STRIP2: variants seen among roughly 807,000 people sequenced by gnomAD.
STRIP2 encodes the protein striatin-interacting protein 2.
Under a neutral mutation model 107.1 loss-of-function variants are expected in STRIP2, and 84 were observed. That is an observed-to-expected ratio of 0.78 (90% CI 0.66 to 0.94). The LOEUF (loss-of-function observed/expected upper bound fraction) is 0.94, where lower values mean the gene tolerates loss of function less well. Ranked by LOEUF, STRIP2 falls within the 40% of genes least tolerant of loss-of-function variation. The pLI, the probability that STRIP2 is intolerant of heterozygous loss-of-function variation, is 0.00. For missense variants in STRIP2, 888 were observed against 1,034.2 expected, an observed-to-expected ratio of 0.86 and a Z score of 1.94; for synonymous variants, 394 against 400.4, an observed-to-expected ratio of 0.98 and a Z score of 0.19.
rs1797670874 is a variant in STRIP2, at chr7:129,434,476, G to C, written c.4G>C (p.Glu2Gln). The C allele has an allele frequency of 5.3e-6, 8 of 1,513,388 alleles. No individual in the cohort carries two copies. Among genetic ancestry groups the C allele is most frequent in the Middle Eastern group, 2.3e-4 (1 of 4,328 alleles). The allele number at this position is 1,513,388 out of a possible 1,614,324, so 93.7% of individuals were successfully genotyped here. ...AGGGGAGCCGCTGACCAGCAGCATG[G>C]AGGACCCCGCCGCGCCTGGGACCGG... M[E>Q]DPAAPGTGGP... The change falls in exon 1 of 21, where the codon GAG becomes CAG. Residue 2 changes from glutamate to glutamine, a missense_variant. Coordinates refer to ENST00000249344, the MANE Select transcript of STRIP2 (RefSeq NM_020704.3).
At chr7:129,456,350 C>G (rs1798352448) in intron 8 of STRIP2, 89 bp from the exon 9 acceptor site, 1 of 1,227,144 alleles carries the variant, frequency 8.1e-7, no homozygotes, top group Non-Finnish European at 1.2e-6. Flanking sequence ...GGTTGTGGCC[C>G]TTTCTTTTCA....
intron 3 of STRIP2, among the ~76,000 whole-genome samples, chr7:129,449,046 C>T (rs1798111850): frequency 1.3e-5 from 2 of 152,150 alleles, no homozygotes; most frequent in African/African-American, 4.8e-5. Flanking sequence ...CAGGCATTTC[C>T]AGCTCACTCA....
chr7:129,471,894 G>A (rs535542203), intron 18 of STRIP2, among the ~76,000 whole-genome samples: 23 of 152,148 alleles, frequency 1.5e-4, no homozygotes, highest in African/African-American at 5.5e-4. Flanking sequence ...CAAAGAAGTT[G>A]GAAGCTTTTT....
chr7:129,464,292 G>T, intron 15 of STRIP2, 151 bp downstream of exon 15: 1 of 682,366 alleles, frequency 1.5e-6, no homozygotes, highest in African/African-American at 1.8e-5. Context: ...CCCGTACAGG[G>T]CTTTCTGCTT....
chr7:129,459,457 G>C (rs371393142), intron 11 of STRIP2, 60 bp from the exon 12 acceptor site: 1 of 1,421,110 alleles, frequency 7.0e-7, no homozygotes, highest in African/African-American at 1.4e-5. Flanking sequence ...GGGGGTATTG[G>C]GGTATCAGTA....
In STRIP2 at chr7:129,434,445, A is replaced by AC; in HGVS notation, c.-25dup. Reference sequence around the variant, plus strand: ...GGTCGCCTCCGGCAAAGCGAGCTGAACCCTGAGGGGAGCCGCTGACCAGCA... The same window carrying AC: ...GGTCGCCTCCGGCAAAGCGAGCTGAACCCCTGAGGGGAGCCGCTGACCAGCA... On this transcript the variant is annotated 5_prime_UTR_variant, in exon 1 of 21. Coordinates refer to ENST00000249344, the MANE Select transcript of STRIP2 (RefSeq NM_020704.3). 6.7e-7 allele frequency: 1 copy of AC among 1,487,588 alleles called. No individual in the cohort carries two copies. Among genetic ancestry groups the AC allele is most frequent in the South Asian group, 1.3e-5 (1 of 78,508 alleles). 92.1% of individuals were successfully genotyped at this position (1,487,588 alleles called of 1,614,324 possible).
chr7:129,451,957 A>G (rs1798206489), intron 4 of STRIP2, among the ~76,000 whole-genome samples: 1 of 152,126 alleles, frequency 6.6e-6, no homozygotes, highest in African/African-American at 2.4e-5. Flanking sequence ...ATCTGCCTTT[A>G]TCTTACCAGG....
chr7:129,439,976 C>T, intron 1 of STRIP2, 46 bp from the exon 2 acceptor site: 1 of 1,531,152 alleles, frequency 6.5e-7, no homozygotes, highest in Non-Finnish European at 9.1e-7. Context: ...TTGGCAACCC[C>T]TTTTTCCAAG....
At chr7:129,444,162 A>C in intron 3 of STRIP2, 64 bp downstream of exon 3, 1 of 1,248,468 alleles carries the variant, frequency 8.0e-7, no homozygotes, top group Non-Finnish European at 1.2e-6. Flanking sequence ...AGCCTGATCT[A>C]GTAAAAGACT....
chr7:129,434,626 T>G, intron 1 of STRIP2, 25 bp downstream of exon 1: 1 of 1,460,636 alleles, frequency 6.8e-7, no homozygotes, highest in Non-Finnish European at 9.0e-7. Flanking sequence ...AAGCTTCGGC[T>G]GGGGCCCGGA....
At position 129,482,961 on chromosome 7, in the gene STRIP2, A is replaced by G. The variant is rs139722352; in HGVS notation, c.2169A>G (p.Gln723=). The G allele has an allele frequency of 3.2e-5, 51 of 1,614,114 alleles. No homozygotes were observed. Among genetic ancestry groups the G allele is most frequent in the East Asian group, 1.8e-4 (8 of 44,898 alleles). Residue 723 remains glutamine, a synonymous_variant, in exon 20 of 21, where the codon CAA becomes CAG. Transcript: ENST00000249344. ...LKLQTKYLGR[Q]WRKSNMKTMS... The stretch of plus-strand genomic sequence containing the variant: ...TACAGACCAAGTACCTGGGGCGCCA[A>G]TGGAGGAAAAGCAACATGAAAACCA...
chr7:129,468,892 C>T (rs943607512), intron 17 of STRIP2, among the ~76,000 whole-genome samples: 3 of 152,234 alleles, frequency 2.0e-5, no homozygotes, highest in Non-Finnish European at 4.4e-5. Flanking sequence ...AAGCCTTTCA[C>T]GTCTATCTGT....
chr7:129,461,849 G>C lies in STRIP2; in HGVS notation c.1477-1117G>C, dbSNP rs1215636291. Among the ~76,000 whole-genome samples, 2 of 152,186 alleles carry C rather than the reference G, an allele frequency of 1.3e-5. No individual in the cohort carries two copies. Among genetic ancestry groups the C allele is most frequent in the African/African-American group, 2.4e-5 (1 of 41,458 alleles). On this transcript the variant is annotated intron_variant, in intron 13 of 20. Coordinates refer to ENST00000249344, the MANE Select transcript of STRIP2 (RefSeq NM_020704.3). The surrounding 1 kb of genome is among the most constrained non-coding windows in gnomAD (Gnocchi z 4.0). ...GATGTTTTATAGCTGAGAGATACTA[G>C]AGCATTTTTTGTTTCCTAAAATAAG...
chr7:129,482,751 C>T (rs1232054124), intron 19 of STRIP2, 91 bp from the exon 20 acceptor site: 15 of 1,466,000 alleles, frequency 1.0e-5, no homozygotes, highest in Non-Finnish European at 1.4e-5. Flanking sequence ...CCAGGAATTT[C>T]TGAGGCTAGC....
At chr7:129,459,672 AC>A in intron 12 of STRIP2, 92 bp downstream of exon 12, 2 of 1,066,720 alleles carry the variant, frequency 1.9e-6, no homozygotes, top group South Asian at 1.3e-5. Context: ...GGGCTTTTAT[AC>A]CAGACTCTTT....
At chr7:129,467,569 C>A in intron 17 of STRIP2, 119 bp downstream of exon 17, 1 of 587,676 alleles carries the variant, frequency 1.7e-6, no homozygotes, top group Non-Finnish European at 2.9e-6. Context: ...TTAGAGCTGT[C>A]ACTGTTAAAT....
intron 1 of STRIP2, among the ~76,000 whole-genome samples, chr7:129,435,984 C>T (rs1027840949): frequency 2.6e-5 from 4 of 151,824 alleles, no homozygotes; most frequent in Non-Finnish European, 5.9e-5. Context: ...CCAAAGTCAC[C>T]ACCTTGCAGA....
rs1798543866 is a variant in STRIP2, at chr7:129,461,798, G to A, written c.1477-1168G>A. Among the ~76,000 whole-genome samples, 1 of 152,210 alleles carries A rather than the reference G, an allele frequency of 6.6e-6. No individual in the cohort carries two copies. On this transcript the variant is annotated intron_variant, in intron 13 of 20. Transcript: ENST00000249344. This position sits in a 1 kb window ranked among gnomAD's most constrained non-coding sequence, Gnocchi z 4.0. The stretch of plus-strand genomic sequence containing the variant: ...AGAGGAGAGAAAGTGGATGGTAGCT[G>A]AAGGAAAATGTGAGGTCAAGGGGAG...
intron 7 of STRIP2, 107 bp from the exon 8 acceptor site, chr7:129,455,136 TC>T (rs1223739600): frequency 3.0e-6 from 4 of 1,353,380 alleles, no homozygotes; most frequent in Non-Finnish European, 4.0e-6. Flanking sequence ...CTGGTATTCT[TC>T]AGGGGAGGTG....
Sources: gnomAD v4.1 joint callset for allele counts (sites outside exome capture counted in the v4.1 genomes callset) on GRCh38, gnomAD v4.1.1 for gene constraint, Gnocchi (gnomAD v3.1) non-coding constraint, MANE v1.5 for transcripts, NCBI Gene and HGNC (gene_info 2026-07-23, HGNC 2026-07-21) for gene names.